DGCR2: variants seen among roughly 807,000 people sequenced by gnomAD.
The protein encoded by DGCR2 is integral membrane protein DGCR2/IDD.
Under a neutral mutation model 51.6 loss-of-function variants are expected in DGCR2, and 24 were observed. The observed-to-expected ratio is 0.47, with a 90% confidence interval of 0.34 to 0.65. The LOEUF (loss-of-function observed/expected upper bound fraction) is 0.65, where lower values mean the gene tolerates loss of function less well. Among genes scored for constraint, DGCR2 ranks in the 30% least tolerant of loss-of-function variants. The probability of loss-of-function intolerance (pLI) is 0.01; values close to 1 mark genes in which losing one functional copy is unlikely to be tolerated. For missense variants in DGCR2, 765 were observed against 772.1 expected (o/e 0.99, Z 0.11); for synonymous variants, 340 against 315.4 (o/e 1.08, Z -0.82).
In DGCR2 at chr22:19,036,743, G is replaced by A. The variant is rs527481460; in HGVS notation, c.*2122C>T. 39 of 152,372 alleles carry A rather than the reference G, an allele frequency of 2.6e-4. No homozygotes were observed. Among genetic ancestry groups the A allele is most frequent in the African/African-American group, 9.4e-4 (39 of 41,580 alleles). 9.4% of individuals were successfully genotyped at this position (152,372 alleles called of 1,614,324 possible). On this transcript the variant is annotated 3_prime_UTR_variant, in exon 10 of 10. Coordinates refer to ENST00000263196, the MANE Select transcript of DGCR2 (RefSeq NM_005137.3). ...TGCCAGTGGCCTGAGTGCTTGTGGA[G>A]GCCCATGGGGAAGGGGCCACCCAGC...
intron 1 of DGCR2, among the ~76,000 whole-genome samples, chr22:19,099,515 C>A (rs1051243744): frequency 6.6e-6 from 1 of 151,946 alleles, no homozygotes; most frequent in African/African-American, 2.4e-5. Context: ...CCTGAGAAGT[C>A]AAGACTGCAG....
chr22:19,058,819 C>A (rs114390358), intron 5 of DGCR2, among the ~76,000 whole-genome samples: 327 of 152,328 alleles, frequency 2.1e-3, no homozygotes, highest in African/African-American at 7.7e-3. Context: ...GTGAGTCAGG[C>A]AACCAGCAAA....
chr22:19,118,004 T>A (rs2083391418), intron 1 of DGCR2, among the ~76,000 whole-genome samples: 1 of 152,148 alleles, frequency 6.6e-6, no homozygotes, highest in Admixed American at 6.5e-5. Flanking sequence ...CTCGGTCACT[T>A]TTCCTTGTGA....
intron 2 of DGCR2, among the ~76,000 whole-genome samples, chr22:19,070,634 C>G (rs540611820): frequency 6.6e-6 from 1 of 152,348 alleles, no homozygotes; most frequent in Admixed American, 6.5e-5. Flanking sequence ...CATCTGCCCC[C>G]TGGGGTGGGA....
chr22:19,063,340 CTG>C (rs747702956), intron 4 of DGCR2, 62 bp from the exon 5 acceptor site: 136 of 1,520,000 alleles, frequency 8.9e-5, no homozygotes, highest in Non-Finnish European at 1.1e-4. Flanking sequence ...CCATCAATGA[CTG>C]TGTGTTTTTT....
At chr22:19,042,337 G>A (rs964698287) in intron 7 of DGCR2, among the ~76,000 whole-genome samples, 1 of 152,226 alleles carries the variant, frequency 6.6e-6, no homozygotes, top group Non-Finnish European at 1.5e-5. Context: ...CTGCAGAGGT[G>A]CACATCCTTT....
intron 1 of DGCR2, among the ~76,000 whole-genome samples, chr22:19,092,683 G>C (rs1023147749): frequency 1.3e-5 from 2 of 151,878 alleles, no homozygotes; most frequent in Admixed American, 6.6e-5. Flanking sequence ...TGTAAGTTCA[G>C]GTATTTAAAA....
intron 2 of DGCR2, among the ~76,000 whole-genome samples, chr22:19,078,678 G>A (rs1018672299): frequency 1.3e-5 from 2 of 152,168 alleles, no homozygotes; most frequent in African/African-American, 4.8e-5. Flanking sequence ...TTTGACCACT[G>A]ACTGATTTTA....
chr22:19,073,817 T>C (rs62221720), intron 2 of DGCR2, among the ~76,000 whole-genome samples: 14,374 of 152,176 alleles, frequency 0.094, 750 homozygotes, highest in Middle Eastern at 0.15. Flanking sequence ...GGGGCAGTAC[T>C]CGACTAAAAT....
intron 1 of DGCR2, among the ~76,000 whole-genome samples, chr22:19,099,450 G>A (rs2083177532): frequency 6.6e-6 from 1 of 151,908 alleles, no homozygotes; most frequent in South Asian, 2.1e-4. Flanking sequence ...ATGTGGTGGT[G>A]TGCATGCCTG....
chr22:19,076,016 T>G (rs1601239764), intron 2 of DGCR2, among the ~76,000 whole-genome samples: 3 of 152,340 alleles, frequency 2.0e-5, no homozygotes, highest in South Asian at 4.1e-4. Context: ...TGGAGTGCAG[T>G]GGCATGATCT....
At chr22:19,064,558 C>A (rs914480156) in intron 4 of DGCR2, among the ~76,000 whole-genome samples, 2 of 152,184 alleles carry the variant, frequency 1.3e-5, no homozygotes, top group African/African-American at 4.8e-5. Context: ...CCCCTGCCTG[C>A]GCTCAGCAAC....
intron 6 of DGCR2, among the ~76,000 whole-genome samples, chr22:19,051,422 G>T (rs770068657): frequency 5.3e-5 from 8 of 151,954 alleles, no homozygotes; most frequent in Non-Finnish European, 1.2e-4. Context: ...AATACATAAA[G>T]AACTCTCAAA....
intron 1 of DGCR2, among the ~76,000 whole-genome samples, chr22:19,095,374 A>C (rs2083127177): frequency 6.6e-6 from 1 of 151,890 alleles, no homozygotes; most frequent in African/African-American, 2.4e-5. Context: ...AAAAAACAAA[A>C]AACTTGGCCA....
At chr22:19,045,575 C>T (rs2082480418) in intron 7 of DGCR2, among the ~76,000 whole-genome samples, 1 of 152,176 alleles carries the variant, frequency 6.6e-6, no homozygotes, top group African/African-American at 2.4e-5. Flanking sequence ...ATTATTTTGC[C>T]TTTCCACCAA....
chr22:19,045,496 G>C (rs2082479621), intron 7 of DGCR2: 1 of 152,258 alleles, frequency 6.6e-6, no homozygotes, highest in African/African-American at 2.4e-5. Flanking sequence ...TGGCTGTACA[G>C]TAACTCATAC....
intron 5 of DGCR2, among the ~76,000 whole-genome samples, chr22:19,058,216 G>T (rs942786999): frequency 6.6e-6 from 1 of 152,200 alleles, no homozygotes; most frequent in Admixed American, 6.5e-5. Flanking sequence ...ATGGTGCCCT[G>T]CCATGGGCAG....
intron 2 of DGCR2, among the ~76,000 whole-genome samples, chr22:19,070,984 C>G (rs536845185): frequency 3.9e-4 from 59 of 152,364 alleles, no homozygotes; most frequent in Non-Finnish European, 8.1e-4. Context: ...GGACAGAACC[C>G]TTACAGACCT....
chr22:19,040,736 G>C (rs55646008), intron 9 of DGCR2, among the ~76,000 whole-genome samples: 1 of 152,014 alleles, frequency 6.6e-6, no homozygotes, highest in Non-Finnish European at 1.5e-5. Context: ...CACCACTGTC[G>C]GGCTCCCCAG....
Sources: allele counts gnomAD v4.1 joint callset (sites outside exome capture counted in the v4.1 genomes callset), GRCh38; gene constraint gnomAD v4.1.1; transcripts MANE v1.5; gene names NCBI Gene and HGNC (gene_info 2026-07-23, HGNC 2026-07-21).